The following SGSM1 variants were observed in gnomAD, a reference collection of about 807,000 sequenced individuals.
The protein encoded by SGSM1 is small G protein signaling modulator 1, also known as RUN and TBC1 domain containing 2.
SGSM1 carries 73 observed loss-of-function variants against 133.8 expected under a neutral mutation model. The observed-to-expected ratio is 0.55, with a 90% CI of 0.45 to 0.66. The LOEUF is 0.66. Ranked by LOEUF, SGSM1 falls within the 30% of genes least tolerant of loss-of-function variation. The pLI, the probability that SGSM1 is intolerant of heterozygous loss-of-function variation, is 0.00. For synonymous variants in SGSM1, 563 were observed against 573.0 expected (o/e 0.98, Z 0.25); for missense variants, 1,213 against 1,448.1 (o/e 0.84, Z 2.64).
Position 24,816,327 on chromosome 22 carries a change from G to A in SGSM1, c.63+9843G>A, listed in dbSNP as rs147548878. Among the ~76,000 whole-genome samples, 1,079 of 151,972 alleles carry A rather than the reference G, an allele frequency of 7.1e-3. 11 individuals are homozygous for A. Among genetic ancestry groups the A allele is most frequent in the African/African-American group, 0.021 (870 of 41,448 alleles). ...CTCCATCCTCCATCCTTTTCAAGTC[G>A]GATAAACCCTGATAAAACTAGGTAG... On this transcript the variant is annotated intron_variant, in intron 2 of 24. Transcript: ENST00000400358.
intron 4 of SGSM1, among the ~76,000 whole-genome samples, chr22:24,848,179 G>A (rs977376426): frequency 2.6e-5 from 4 of 151,606 alleles, no homozygotes; most frequent in African/African-American, 9.7e-5. Context: ...AGAACTTCAT[G>A]AGAGCAGGCA....
At chr22:24,919,450 A>G (rs989579931) in intron 23 of SGSM1, among the ~76,000 whole-genome samples, 7 of 152,078 alleles carry the variant, frequency 4.6e-5, no homozygotes, top group Admixed American at 3.3e-4. Context: ...AAAGGGCTCT[A>G]TGGGTGCTAA....
chr22:24,908,339 G>T (rs1443687215), intron 21 of SGSM1, among the ~76,000 whole-genome samples: 1 of 140,606 alleles, frequency 7.1e-6, no homozygotes, highest in East Asian at 2.3e-4. Context: ...CATAAAGAAA[G>T]AAAAAATAGG....
intron 8 of SGSM1, 186 bp from the exon 9 acceptor site, chr22:24,859,530 G>A (rs910545409): frequency 1.8e-5 from 14 of 764,292 alleles, no homozygotes; most frequent in Non-Finnish European, 3.1e-5. Flanking sequence ...GAGGCTGGCT[G>A]CAAATGGCTT....
At chr22:24,806,589 C>T in intron 2 of SGSM1, 105 bp downstream of exon 2, 3 of 1,367,782 alleles carry the variant, frequency 2.2e-6, no homozygotes, top group South Asian at 2.9e-5. Context: ...GGGGGGCGGC[C>T]AGAACAGGTG....
chr22:24,865,294 C>T (rs186005935), intron 9 of SGSM1, among the ~76,000 whole-genome samples: 174 of 152,290 alleles, frequency 1.1e-3, no homozygotes, highest in East Asian at 7.5e-3. Flanking sequence ...TGCAACCCAG[C>T]GTGATGGGCA....
chr22:24,809,945 A>G (rs895871611), intron 2 of SGSM1, among the ~76,000 whole-genome samples: 1 of 152,332 alleles, frequency 6.6e-6, no homozygotes, highest in Non-Finnish European at 1.5e-5. Context: ...GGTGAAGATA[A>G]GAGGGTTGAG....
intron 2 of SGSM1, among the ~76,000 whole-genome samples, chr22:24,832,011 G>A (rs1408965533): frequency 3.3e-5 from 5 of 152,186 alleles, no homozygotes; most frequent in African/African-American, 7.2e-5. Context: ...GGCAGCAGAC[G>A]TCTGCAGGGA....
chr22:24,845,142 A>G (rs1930025469), intron 3 of SGSM1, among the ~76,000 whole-genome samples, 170 bp downstream of exon 3: 1 of 152,144 alleles, frequency 6.6e-6, no homozygotes, highest in African/African-American at 2.4e-5. Context: ...ACAATTAAAA[A>G]TGACTTCTGT....
intron 9 of SGSM1, among the ~76,000 whole-genome samples, chr22:24,864,737 T>A (rs1931353440): frequency 6.6e-6 from 1 of 152,226 alleles, no homozygotes; most frequent in Non-Finnish European, 1.5e-5. Flanking sequence ...AAAAATGTTC[T>A]AACACTGGCT....
chr22:24,898,238 G>A lies in SGSM1; in HGVS notation c.2289G>A (p.Glu763=), dbSNP rs1387518218. The stretch of plus-strand genomic sequence containing the variant: ...GCGTGGATGACAGGCAGAGCAGCGA[G>A]GCCACCACATCTCAGGATGAGGCTC... ...DGSVDDRQSS[E]ATTSQDEAPR... Residue 763 remains glutamate, a synonymous_variant, in exon 19 of 25, where the codon GAG becomes GAA. Coordinates refer to ENST00000400358, the MANE Select transcript of SGSM1 (RefSeq NM_001098497.3). 1.2e-6 allele frequency: 2 copies of A among 1,613,672 alleles called. No homozygotes were observed. The highest frequency in any genetic ancestry group is 1.7e-6 in the Non-Finnish European group (2 of 1,179,628).
At chr22:24,858,869 C>T (rs1313191398) in intron 8 of SGSM1, among the ~76,000 whole-genome samples, 3 of 152,328 alleles carry the variant, frequency 2.0e-5, no homozygotes, top group East Asian at 3.9e-4. Flanking sequence ...ATGCCCAAAA[C>T]TTAATTGAAG....
intron 14 of SGSM1, 95 bp from the exon 15 acceptor site, chr22:24,883,958 A>G (rs546085055): frequency 2.1e-6 from 3 of 1,411,942 alleles, no homozygotes; most frequent in African/African-American, 2.9e-5. Context: ...AAATTTTAAA[A>G]AATTTGAGGT....
At chr22:24,886,772 G>A (rs1262620938) in intron 16 of SGSM1, 44 bp downstream of exon 16, 1 of 1,551,410 alleles carries the variant, frequency 6.4e-7, no homozygotes, top group Non-Finnish European at 8.7e-7. Flanking sequence ...GCAACAAAAG[G>A]AGCCAGATAC....
At chr22:24,838,927 T>G (rs1041986665) in intron 2 of SGSM1, among the ~76,000 whole-genome samples, 37 of 52,964 alleles carry the variant, frequency 7.0e-4, no homozygotes, top group African/African-American at 4.3e-3. Context: ...TTTATGTTTC[T>G]GCAAAAAAAA....
rs766216582 is a variant in SGSM1, at chr22:24,917,718, T to C, written c.2989T>C (p.Phe997Leu). The C allele has an allele frequency of 1.2e-6, 2 of 1,613,964 alleles. No homozygotes were observed. The highest frequency in any genetic ancestry group is 4.5e-5 in the East Asian group (2 of 44,874). Residue 997 changes from phenylalanine (F) to leucine (L), a missense_variant, in exon 23 of 25, where the codon TTC (phenylalanine) becomes CTC (leucine). Physicochemically the swap from Phe to Leu is conservative, Grantham distance 22. Coordinates refer to ENST00000400358, the MANE Select transcript of SGSM1 (RefSeq NM_001098497.3). ...HQNGDYTHFY[F>L]CYRWFLLDFK... ...GAACGGGGACTATACTCACTTCTAC[T>C]TCTGCTACCGCTGGTTCCTGCTGGA...
intron 12 of SGSM1, among the ~76,000 whole-genome samples, chr22:24,874,820 A>G (rs529175254): frequency 8.4e-4 from 128 of 152,330 alleles, no homozygotes; most frequent in South Asian, 1.9e-3. Flanking sequence ...GCTGAGATGG[A>G]GGAAGGCATG....
intron 2 of SGSM1, among the ~76,000 whole-genome samples, chr22:24,836,514 T>C (rs1929436605): frequency 6.6e-6 from 1 of 152,254 alleles, no homozygotes. Context: ...GGTTAATCTT[T>C]TGAAGAACCA....
intron 24 of SGSM1, among the ~76,000 whole-genome samples, chr22:24,920,965 T>G (rs549121797): frequency 7.9e-5 from 12 of 152,358 alleles, no homozygotes; most frequent in African/African-American, 2.9e-4. Context: ...CACCTGGTTT[T>G]TCACTAGTAT....
Sources: gnomAD v4.1 joint callset for allele counts (sites outside exome capture counted in the v4.1 genomes callset) on GRCh38, gnomAD v4.1.1 for gene constraint, MANE v1.5 for transcripts, NCBI Gene and HGNC (gene_info 2026-07-23, HGNC 2026-07-21) for gene names.